Variants in SLC12A9 observed in about 807,000 individuals in gnomAD.
SLC12A9 encodes the protein solute carrier family 12 member 9, also known as CCC-interacting protein 1.
Under a neutral mutation model 66.0 loss-of-function variants are expected in SLC12A9, and 55 were observed. The ratio of observed to expected loss-of-function variants is 0.83; its 90% confidence interval spans 0.67 to 1.04. The LOEUF (loss-of-function observed/expected upper bound fraction) is 1.04. Among genes scored for constraint, SLC12A9 ranks in the 50% least tolerant of loss-of-function variants. The pLI is 0.00. For missense variants in SLC12A9, 1,061 were observed against 1,241.9 expected (o/e 0.85, Z 2.19); for synonymous variants, 577 against 569.0 (o/e 1.01, Z -0.20).
intron 1 of SLC12A9, among the ~76,000 whole-genome samples, chr7:100,836,195 C>G (rs1455147560): frequency 6.6e-6 from 1 of 152,114 alleles, no homozygotes; most frequent in Non-Finnish European, 1.5e-5. Flanking sequence ...GAGGCTGGCT[C>G]TAGGAGGGAA....
At chr7:100,843,750 T>C (rs1460285063) in intron 1 of SLC12A9, among the ~76,000 whole-genome samples, 1 of 152,240 alleles carries the variant, frequency 6.6e-6, no homozygotes, top group East Asian at 1.9e-4. Flanking sequence ...TTACAAATGC[T>C]AGATTAACCA....
chr7:100,848,658 G>A (rs1020115671), upstream of SLC12A9, among the ~76,000 whole-genome samples: 7 of 152,148 alleles, frequency 4.6e-5, no homozygotes, highest in Non-Finnish European at 1.0e-4. Flanking sequence ...AGGCCAAGGC[G>A]GGCGGATCAC....
intron 1 of SLC12A9, among the ~76,000 whole-genome samples, chr7:100,828,443 G>A (rs1813472465): frequency 6.6e-6 from 1 of 151,102 alleles, no homozygotes; most frequent in African/African-American, 2.4e-5. Context: ...GGAGGCTGAG[G>A]CAGGAGAATT....
At chr7:100,862,026 C>G (rs1205921282) in intron 12 of SLC12A9, 115 bp downstream of exon 12, 1 of 1,121,506 alleles carries the variant, frequency 8.9e-7, no homozygotes, top group African/African-American at 1.6e-5. Context: ...GTGGGACGAT[C>G]TTGGCTCACT....
At chr7:100,862,208 C>T (rs902610186) in intron 12 of SLC12A9, among the ~76,000 whole-genome samples, 4 of 152,096 alleles carry the variant, frequency 2.6e-5, no homozygotes, top group African/African-American at 4.8e-5. Context: ...CCGCCCATCT[C>T]GGCCTCCCAA....
At chr7:100,855,526 C>G (rs531166755) in intron 3 of SLC12A9, 180 bp from the exon 4 acceptor site, 1 of 727,012 alleles carries the variant, frequency 1.4e-6, no homozygotes, top group African/African-American at 1.8e-5. Flanking sequence ...ACAATCTCAT[C>G]TGTTAGGCAG....
At chr7:100,841,245 T>TA (rs1310651009) in intron 1 of SLC12A9, among the ~76,000 whole-genome samples, 2 of 151,252 alleles carry the variant, frequency 1.3e-5, no homozygotes, top group Non-Finnish European at 2.9e-5. Context: ...AAAAAAGTTA[T>TA]AAAAAAGAAT....
At chr7:100,852,127 G>C (rs1216589409), upstream of SLC12A9, among the ~76,000 whole-genome samples, 3 of 152,184 alleles carry the variant, frequency 2.0e-5, no homozygotes, top group Non-Finnish European at 4.4e-5. Flanking sequence ...CTGGAAGTGA[G>C]AACACTGCAG....
chr7:100,850,262 T>C (rs1201205545), upstream of SLC12A9, among the ~76,000 whole-genome samples: 76 of 140,300 alleles, frequency 5.4e-4, no homozygotes, highest in Non-Finnish European at 9.5e-4. Context: ...TTTCTTTCTT[T>C]TTTTTTTTTT....
At chr7:100,856,702 G>A in intron 4 of SLC12A9, 166 bp from the exon 5 acceptor site, 1 of 661,462 alleles carries the variant, frequency 1.5e-6, no homozygotes, top group East Asian at 2.8e-5. Flanking sequence ...TGTGGAGCTG[G>A]GGTTTCACAA....
upstream of SLC12A9, among the ~76,000 whole-genome samples, chr7:100,847,915 A>G (rs997111313): frequency 2.6e-5 from 4 of 151,218 alleles, no homozygotes; most frequent in African/African-American, 7.3e-5. Flanking sequence ...GCGAAACCCC[A>G]TCACTACTAA....
In SLC12A9 at chr7:100,865,909, T is replaced by C. The variant is rs555522763; in HGVS notation, c.2049T>C (p.Tyr683=). The part of the protein sequence containing the change: ...GSPRALNPQD[Y]VATVADALKM... ...CCCGGGCCCTCAATCCCCAGGACTA[T>C]GTGGCCACGGTGGCCGACGCCCTCA... Residue 683 remains tyrosine, a synonymous_variant, in exon 14 of 14, where the codon TAT becomes TAC. Coordinates refer to ENST00000354161, the MANE Select transcript of SLC12A9 (RefSeq NM_020246.4). The C allele has an allele frequency of 2.2e-5, 36 of 1,613,472 alleles. No homozygotes were observed. In the South Asian group the frequency reaches 3.6e-4, roughly 16 times the overall value.
chr7:100,826,948 G>A (rs765129257), exon 1 of SLC12A9: 12 of 1,523,392 alleles, frequency 7.9e-6, no homozygotes, highest in Middle Eastern at 1.7e-4. Context: ...CAGGAGTGAC[G>A]GGGTGCGCCC....
intron 1 of SLC12A9, among the ~76,000 whole-genome samples, chr7:100,831,524 C>A (rs1813543138): frequency 1.3e-5 from 2 of 152,104 alleles, no homozygotes; most frequent in Non-Finnish European, 2.9e-5. Context: ...ATTGCCCAGG[C>A]TGGAGTGCAG....
At chr7:100,834,277 G>C (rs1017464868) in intron 1 of SLC12A9, among the ~76,000 whole-genome samples, 2 of 152,148 alleles carry the variant, frequency 1.3e-5, no homozygotes, top group Admixed American at 1.3e-4. Flanking sequence ...AGGTCAGAGA[G>C]GGCAAGGACA....
chr7:100,843,406 C>T (rs909890278), intron 1 of SLC12A9, among the ~76,000 whole-genome samples: 2 of 152,240 alleles, frequency 1.3e-5, no homozygotes, highest in African/African-American at 2.4e-5. Context: ...ACATCTATTA[C>T]AACCAACAGC....
chr7:100,831,616 G>A (rs1001537009), intron 1 of SLC12A9, among the ~76,000 whole-genome samples: 17 of 152,162 alleles, frequency 1.1e-4, no homozygotes, highest in Admixed American at 5.2e-4. Context: ...CTGGGACCCC[G>A]CGCGGGGACC....
chr7:100,849,220 C>T (rs1257961233), upstream of SLC12A9, among the ~76,000 whole-genome samples: 1 of 151,460 alleles, frequency 6.6e-6, no homozygotes, highest in Non-Finnish European at 1.5e-5. Flanking sequence ...AGCCACCGTG[C>T]CCAGCCTTCA....
upstream of SLC12A9, among the ~76,000 whole-genome samples, chr7:100,848,144 C>A (rs531303450): frequency 1.3e-5 from 2 of 149,354 alleles, no homozygotes; most frequent in African/African-American, 4.9e-5. Context: ...GGCTATACAG[C>A]CTGAAGTTCA....
Sources: gnomAD v4.1 joint callset for allele counts (sites outside exome capture counted in the v4.1 genomes callset) on GRCh38, gnomAD v4.1.1 for gene constraint, MANE v1.5 for transcripts, NCBI Gene and HGNC (gene_info 2026-07-23, HGNC 2026-07-21) for gene names.